Variants in RABGAP1L observed in about 807,000 individuals in gnomAD.
The protein encoded by RABGAP1L is RAB GTPase activating protein 1 like.
A neutral mutation model predicts 137.7 loss-of-function variants in RABGAP1L; 63 were observed. That is an observed-to-expected ratio of 0.46 (90% CI 0.37 to 0.56). The LOEUF (loss-of-function observed/expected upper bound fraction) is 0.56, where lower values mean the gene tolerates loss of function less well. RABGAP1L is among the 20% of genes least tolerant of loss of function. The pLI is 0.00. For synonymous variants in RABGAP1L, 431 were observed against 433.7 expected (o/e 0.99, Z 0.08); for missense variants, 1,095 against 1,244.0 (o/e 0.88, Z 1.80).
chr1:174,782,046 C>T (rs538143293), intron 18 of RABGAP1L, among the ~76,000 whole-genome samples: 123 of 152,198 alleles, frequency 8.1e-4, no homozygotes, highest in African/African-American at 2.8e-3. Flanking sequence ...CTTGGCGATG[C>T]GGGCTCTTTT....
At chr1:174,764,756 G>C (rs1685528416) in intron 18 of RABGAP1L, among the ~76,000 whole-genome samples, 1 of 152,128 alleles carries the variant, frequency 6.6e-6, no homozygotes, top group Admixed American at 6.5e-5. Context: ...GTAGGCGTGA[G>C]CCACTATACC....
At chr1:174,662,473 G>T (rs1283743086) in intron 14 of RABGAP1L, among the ~76,000 whole-genome samples, 1 of 151,988 alleles carries the variant, frequency 6.6e-6, no homozygotes, top group Non-Finnish European at 1.5e-5. Flanking sequence ...CTGGAGTGCA[G>T]TGGCGCAATC....
At chr1:174,299,384 G>C (rs993500525) in intron 10 of RABGAP1L, among the ~76,000 whole-genome samples, 11 of 152,176 alleles carry the variant, frequency 7.2e-5, no homozygotes, top group Non-Finnish European at 1.0e-4. Context: ...GTAGACAAGG[G>C]TAGGTGGCCA....
At chr1:174,362,963 G>A (rs1388808871) in intron 11 of RABGAP1L, among the ~76,000 whole-genome samples, 1 of 152,126 alleles carries the variant, frequency 6.6e-6, no homozygotes, top group Admixed American at 6.6e-5. Flanking sequence ...TGATTTTTGT[G>A]CATGGTGTAA....
At chr1:174,753,364 T>C (rs1684487273) in intron 18 of RABGAP1L, among the ~76,000 whole-genome samples, 1 of 152,134 alleles carries the variant, frequency 6.6e-6, no homozygotes, top group African/African-American at 2.4e-5. Flanking sequence ...TCTTGATACG[T>C]TAGGAGAGCC....
chr1:174,437,222 T>G (rs1653474998), intron 13 of RABGAP1L, among the ~76,000 whole-genome samples: 1 of 152,148 alleles, frequency 6.6e-6, no homozygotes, highest in Admixed American at 6.5e-5. Context: ...GGACAGAGAA[T>G]GACTTTGATG....
chr1:174,959,833 A>T (rs1342706249), intron 20 of RABGAP1L, among the ~76,000 whole-genome samples: 1 of 152,192 alleles, frequency 6.6e-6, no homozygotes, highest in Non-Finnish European at 1.5e-5. Context: ...CCATCAACAT[A>T]TTTGGTTTGT....
At chr1:174,491,911 C>T (rs1436611534) in intron 13 of RABGAP1L, among the ~76,000 whole-genome samples, 1 of 152,114 alleles carries the variant, frequency 6.6e-6, no homozygotes, top group Admixed American at 6.5e-5. Context: ...TTCTTTCTCC[C>T]CAGATGCACA....
intron 11 of RABGAP1L, among the ~76,000 whole-genome samples, chr1:174,352,861 T>G (rs1445957256): frequency 7.2e-5 from 11 of 152,198 alleles, no homozygotes; most frequent in African/African-American, 2.4e-4. Context: ...TGGTCTTCGG[T>G]AAGATCCAGG....
intron 17 of RABGAP1L, among the ~76,000 whole-genome samples, chr1:174,728,873 T>C (rs1339664885): frequency 6.6e-6 from 1 of 152,110 alleles, no homozygotes; most frequent in Non-Finnish European, 1.5e-5. Flanking sequence ...GCTCCTGACC[T>C]CAGGTGATCC....
intron 19 of RABGAP1L, among the ~76,000 whole-genome samples, chr1:174,894,383 G>C (rs1656782047): frequency 6.6e-6 from 1 of 152,126 alleles, no homozygotes; most frequent in Non-Finnish European, 1.5e-5. Flanking sequence ...TAAATGTGTA[G>C]TCCAATTTGT....
At chr1:174,733,440 A>G (rs889212064) in intron 17 of RABGAP1L, among the ~76,000 whole-genome samples, 3 of 152,252 alleles carry the variant, frequency 2.0e-5, no homozygotes, top group African/African-American at 4.8e-5. Context: ...TTTCCTCCCA[A>G]TACTTTAACT....
chr1:174,206,856 A>G (rs1167807431), intron 1 of RABGAP1L, among the ~76,000 whole-genome samples: 1 of 152,234 alleles, frequency 6.6e-6, no homozygotes, highest in Non-Finnish European at 1.5e-5. Context: ...TAATTTAGAT[A>G]TCATTATTGC....
intron 19 of RABGAP1L, chr1:174,877,748 A>G (rs1653382317): frequency 2.5e-6 from 2 of 806,050 alleles, no homozygotes; most frequent in South Asian, 3.5e-5. Context: ...ACATAATTAA[A>G]CACTCATATA....
chr1:174,681,784 T>C (rs1404069280), intron 14 of RABGAP1L, among the ~76,000 whole-genome samples: 1 of 152,212 alleles, frequency 6.6e-6, no homozygotes, highest in Non-Finnish European at 1.5e-5. Flanking sequence ...CTACACTTAC[T>C]CTCCATAGGT....
At chr1:174,323,422 T>C (rs1422201023) in intron 11 of RABGAP1L, among the ~76,000 whole-genome samples, 1 of 152,142 alleles carries the variant, frequency 6.6e-6, no homozygotes, top group African/African-American at 2.4e-5. Context: ...ACTGAATCTA[T>C]ATAACTACAC....
At chr1:174,509,330 A>G (rs1273746389) in intron 13 of RABGAP1L, among the ~76,000 whole-genome samples, 1 of 152,150 alleles carries the variant, frequency 6.6e-6, no homozygotes, top group Non-Finnish European at 1.5e-5. Context: ...AATTAAAAAC[A>G]TTCATTTTTC....
chr1:174,765,377 G>C (rs1046975141), intron 18 of RABGAP1L, among the ~76,000 whole-genome samples: 4 of 152,118 alleles, frequency 2.6e-5, no homozygotes, highest in Non-Finnish European at 5.9e-5. Context: ...AGAAATGGCT[G>C]TTCAGATCCT....
chr1:174,499,232 A>T lies in RABGAP1L; in HGVS notation c.1710+105087A>T, dbSNP rs1044193866. 3.3e-5 allele frequency among the ~76,000 whole-genome samples: 5 copies of T among 149,700 alleles called. No individual in the cohort carries two copies. In the Admixed American group the frequency reaches 3.4e-4, roughly 10 times the overall value. On this transcript the variant is annotated intron_variant, in intron 13 of 25. Coordinates refer to ENST00000681986, the MANE Select transcript of RABGAP1L (RefSeq NM_001366446.1). The stretch of plus-strand genomic sequence containing the variant: ...GATTAAATCTTTTACAGAACTTAGA[A>T]ATTTAAGTTAAAAACACTTAAATTA...
Sources: allele counts gnomAD v4.1 joint callset (sites outside exome capture counted in the v4.1 genomes callset), GRCh38; gene constraint gnomAD v4.1.1; transcripts MANE v1.5; gene names NCBI Gene and HGNC (gene_info 2026-07-23, HGNC 2026-07-21).